Variants in CPZ observed in about 807,000 individuals in gnomAD.
CPZ encodes carboxypeptidase Z.
In CPZ, 103 loss-of-function variants were observed where a neutral mutation model predicts 61.8. The observed-to-expected ratio is 1.67, with a 90% CI of 1.42 to 1.96. The LOEUF (loss-of-function observed/expected upper bound fraction) is 1.96. Ranked by LOEUF, CPZ falls within the 30% of genes most tolerant of loss-of-function variation. CPZ has a pLI of 0.00. For synonymous variants in CPZ, 551 were observed against 373.7 expected, an observed-to-expected ratio of 1.47 and a Z score of -5.47; for missense variants, 1,461 against 914.9, an observed-to-expected ratio of 1.60 and a Z score of -7.70.
chr4:8,604,759 G>T (rs1195183599), intron 4 of CPZ, among the ~76,000 whole-genome samples: 2 of 152,202 alleles, frequency 1.3e-5, no homozygotes, highest in East Asian at 1.9e-4. Context: ...AACAGAATCG[G>T]TTATTTTAGA....
At chr4:8,600,386 G>A (rs572688220) in intron 2 of CPZ, among the ~76,000 whole-genome samples, 2 of 152,310 alleles carry the variant, frequency 1.3e-5, no homozygotes, top group South Asian at 2.1e-4. Context: ...ATGCCACATC[G>A]GGAAAGTCCA....
Position 8,619,671 on chromosome 4 carries a change from C to A in CPZ, c.*54C>A. On this transcript the variant is annotated 3_prime_UTR_variant, in exon 11 of 11. Coordinates refer to ENST00000360986, the MANE Select transcript of CPZ (RefSeq NM_001014447.3). ...GAGACCGAGGCCCATCTCCGCATCC[C>A]GGGCTCCTGGCTCTTGATTTTGTCT... The A allele has an allele frequency of 7.5e-7, 1 of 1,326,384 alleles. No homozygotes were observed. Among genetic ancestry groups the A allele is most frequent in the Non-Finnish European group, 1.0e-6 (1 of 1,001,350 alleles). 82.2% of individuals were successfully genotyped at this position (1,326,384 alleles called of 1,614,324 possible).
intron 1 of CPZ, among the ~76,000 whole-genome samples, chr4:8,595,774 T>C (rs1714132926): frequency 6.6e-6 from 1 of 152,186 alleles, no homozygotes. Flanking sequence ...GTGGATGAAA[T>C]CTGATTCAGA....
At position 8,607,420 on chromosome 4, in the gene CPZ, G is replaced by T; in HGVS notation, c.1222G>T (p.Glu408Ter). The stretch of plus-strand genomic sequence containing the variant: ...GAAGATGTTTTCTCCCACGCCCGAC[G>T]AGAAGGTGAGAGGGCTGTCGGGTGT... The part of the protein sequence containing the change: ...EEKMFSPTPD[E>*]KMFKLLSRAY... The change falls in exon 7 of 11, where the codon GAG becomes TAG. Residue 408 changes from glutamate (E) to a stop codon, truncating the protein, a stop_gained. Transcript: ENST00000360986. LOFTEE classifies it high-confidence loss of function. 2.5e-6 allele frequency: 4 copies of T among 1,613,836 alleles called. No individual in the cohort carries two copies. In the South Asian group the frequency reaches 4.4e-5, roughly 18 times the overall value.
chr4:8,616,982 C>G (rs533428053), intron 9 of CPZ, among the ~76,000 whole-genome samples: 13 of 152,260 alleles, frequency 8.5e-5, no homozygotes, highest in African/African-American at 3.1e-4. Context: ...TCTGGGTTCC[C>G]GAGATCCCTG....
chr4:8,606,785 C>A lies in CPZ; in HGVS notation c.955C>A (p.Leu319Met). Reference sequence around the variant, plus strand: ...GAGCGGGAGGCAGAACGCGCAGAACCTGGATCTGAACCGAAATTTCCCGGA... The same window carrying A: ...GAGCGGGAGGCAGAACGCGCAGAACATGGATCTGAACCGAAATTTCCCGGA... ...WTSGRQNAQN[L>M]DLNRNFPDLT... Residue 319 changes from leucine (L) to methionine (M), a missense_variant, in exon 6 of 11, where the codon CTG (leucine) becomes ATG (methionine). By Grantham distance (15) the Leu-to-Met change is conservative (BLOSUM62 2). Transcript: ENST00000360986. The A allele has an allele frequency of 6.2e-7, 1 of 1,614,196 alleles. No homozygotes were observed. The highest frequency in any genetic ancestry group is 1.1e-5 in the South Asian group (1 of 91,088).
chr4:8,605,280 T>A (rs1024758178), intron 4 of CPZ, among the ~76,000 whole-genome samples: 1 of 150,302 alleles, frequency 6.7e-6, no homozygotes, highest in African/African-American at 2.5e-5. Context: ...AGTAAGGCCA[T>A]GGGGCCTGGT....
intron 7 of CPZ, among the ~76,000 whole-genome samples, chr4:8,607,785 C>T (rs1314734832): frequency 1.3e-5 from 2 of 152,128 alleles, no homozygotes; most frequent in African/African-American, 2.4e-5. Context: ...GGTGCGTTTC[C>T]GGGAGGCGCC....
chr4:8,609,029 T>TCACTCCCTCCCTCCCTCACTCATA (rs1715298367), intron 7 of CPZ, among the ~76,000 whole-genome samples: 1 of 74,116 alleles, frequency 1.3e-5, no homozygotes, highest in African/African-American at 1.4e-4. Context: ...ACTCACTCCT[T>TCACTCCCTCCCTCCCTCACTCATA]CACTCACCCA....
Position 8,614,406 on chromosome 4 carries a change from G to A in CPZ, c.1411G>A (p.Val471Ile), listed in dbSNP as rs368908052. ...YLHTNCFEIT[V>I]ELGCVKFPPE... ...GCACACCAACTGCTTTGAGATCACG[G>A]TAGAGCTGGGCTGTGTGAAGTTCCC... Residue 471 changes from valine (V) to isoleucine (I), a missense_variant, in exon 9 of 11, where the codon GTA becomes ATA. Coordinates refer to ENST00000360986, the MANE Select transcript of CPZ (RefSeq NM_001014447.3). 6.2e-7 allele frequency: 1 copy of A among 1,613,918 alleles called. No homozygotes were observed. Among genetic ancestry groups the A allele is most frequent in the African/African-American group, 1.3e-5 (1 of 74,940 alleles).
intron 10 of CPZ, among the ~76,000 whole-genome samples, chr4:8,618,914 G>T (rs1283591092): frequency 6.6e-6 from 1 of 151,710 alleles, no homozygotes; most frequent in African/African-American, 2.4e-5. Context: ...GTCCTTACAG[G>T]AATTTCACAG....
intron 9 of CPZ, among the ~76,000 whole-genome samples, chr4:8,617,802 G>A (rs943151698): frequency 5.3e-5 from 8 of 152,182 alleles, no homozygotes; most frequent in African/African-American, 1.7e-4. Flanking sequence ...TGGGTGGTTT[G>A]TCATCAACTG....
At chr4:8,616,295 C>T (rs1034069325) in intron 9 of CPZ, among the ~76,000 whole-genome samples, 1 of 152,074 alleles carries the variant, frequency 6.6e-6, no homozygotes, top group Non-Finnish European at 1.5e-5. Context: ...GGAGGGGCGG[C>T]GTGGCAGCTC....
chr4:8,615,281 CAGTGTG>C (rs1272374112), intron 9 of CPZ, among the ~76,000 whole-genome samples: 1 of 151,664 alleles, frequency 6.6e-6, no homozygotes, highest in Non-Finnish European at 1.5e-5. Flanking sequence ...CCCTAGCACT[CAGTGTG>C]AGAGTGGGGA....
chr4:8,599,551 C>T (rs41289049), intron 2 of CPZ, 66 bp downstream of exon 2: 119,969 of 1,598,436 alleles, frequency 0.075, 4,874 homozygotes, highest in African/African-American at 0.11. Context: ...ACTGTCAGAG[C>T]ACTTTAGGCA....
rs529756948 is a variant in CPZ, at chr4:8,601,401, G to C, written c.400G>C (p.Asp134His). The stretch of plus-strand genomic sequence containing the variant: ...GCGGGAGGTCTGCCAGCCCGCCTTC[G>C]ACGCCATTGACATGGCCTGGCCCTA... ...GLREVCQPAF[D>H]AIDMAWPYFL... The change falls in exon 3 of 11, where the codon GAC (aspartate) becomes CAC (histidine). Residue 134 changes from aspartate (D) to histidine (H), a missense_variant. Coordinates refer to ENST00000360986, the MANE Select transcript of CPZ (RefSeq NM_001014447.3). The C allele has an allele frequency of 1.6e-4, 260 of 1,589,490 alleles. 3 individuals carry two copies. The South Asian group carries it at 2.5e-3, about 15-fold the overall frequency.
At chr4:8,613,773 G>A (rs1396984402) in intron 8 of CPZ, among the ~76,000 whole-genome samples, 1 of 152,218 alleles carries the variant, frequency 6.6e-6, no homozygotes, top group Non-Finnish European at 1.5e-5. Context: ...GGCTGGCCAG[G>A]TGGCTGGTTG....
intron 7 of CPZ, among the ~76,000 whole-genome samples, chr4:8,610,199 C>T (rs751066714): frequency 2.0e-5 from 3 of 152,200 alleles, no homozygotes; most frequent in Non-Finnish European, 1.5e-5. Flanking sequence ...TCCCAGCTTC[C>T]CTGCTCCCGC....
chr4:8,609,221 T>TCCCTC lies in CPZ; in HGVS notation c.1227+1796_1227+1797insCCCTC, dbSNP rs1553877686. 2.7e-4 allele frequency among the ~76,000 whole-genome samples: 4 copies of TCCCTC among 14,902 alleles called. 1 individual carries two copies. Among genetic ancestry groups the TCCCTC allele is most frequent in the East Asian group, 3.4e-3 (1 of 296 alleles). The allele number at this position is 14,902 out of a possible 152,430, so 9.8% of individuals were successfully genotyped here. ...TCCCTCACTCACTTACTCATTCACTTACTCACTCATTGTCACTCATTCACT... is the reference window on the plus strand; with the variant it reads ...TCCCTCACTCACTTACTCATTCACTTCCCTCACTCACTCATTGTCACTCATTCACT... On this transcript the variant is annotated intron_variant, in intron 7 of 10. Transcript: ENST00000360986.
Sources: allele counts gnomAD v4.1 joint callset (sites outside exome capture counted in the v4.1 genomes callset), GRCh38; gene constraint gnomAD v4.1.1; transcripts MANE v1.5; gene names NCBI Gene and HGNC (gene_info 2026-07-23, HGNC 2026-07-21).